The following RABGAP1L variants were observed in gnomAD, a reference collection of about 807,000 sequenced individuals.
RABGAP1L encodes the protein RAB GTPase activating protein 1 like.
Under a neutral mutation model 137.7 loss-of-function variants are expected in RABGAP1L, and 63 were observed. The ratio of observed to expected loss-of-function variants is 0.46; its 90% CI spans 0.37 to 0.56. The LOEUF is 0.56. RABGAP1L is among the 20% of genes least tolerant of loss of function. The probability of loss-of-function intolerance (pLI) is 0.00; values close to 1 mark genes in which losing one functional copy is unlikely to be tolerated. For synonymous variants in RABGAP1L, 431 were observed against 433.7 expected (o/e 0.99, Z 0.08); for missense variants, 1,095 against 1,244.0 (o/e 0.88, Z 1.80).
intron 13 of RABGAP1L, among the ~76,000 whole-genome samples, chr1:174,501,492 CTTTG>C (rs1412081324): frequency 1.3e-5 from 2 of 152,052 alleles, no homozygotes; most frequent in African/African-American, 4.8e-5. Flanking sequence ...CCTGGCCTCA[CTTTG>C]TTTACTTTTA....
chr1:174,623,831 G>A (rs1385017063), intron 13 of RABGAP1L, among the ~76,000 whole-genome samples: 1 of 152,120 alleles, frequency 6.6e-6, no homozygotes, highest in Non-Finnish European at 1.5e-5. Flanking sequence ...CCCTCATCAG[G>A]CATGATGTTC....
chr1:174,465,120 CT>C (rs1657138242), intron 13 of RABGAP1L, among the ~76,000 whole-genome samples: 1 of 152,154 alleles, frequency 6.6e-6, no homozygotes, highest in Non-Finnish European at 1.5e-5. Context: ...ATGAAAACTA[CT>C]GTTATATCTG....
chr1:174,955,227 C>T (rs1369864847), intron 19 of RABGAP1L, among the ~76,000 whole-genome samples: 2 of 152,200 alleles, frequency 1.3e-5, no homozygotes, highest in Admixed American at 1.3e-4. Context: ...AAAATGTCCT[C>T]ACTCCTTGTT....
chr1:174,365,067 C>G (rs1246679321), intron 11 of RABGAP1L, among the ~76,000 whole-genome samples: 1 of 152,188 alleles, frequency 6.6e-6, no homozygotes, highest in South Asian at 2.1e-4. Flanking sequence ...GAGACACTTT[C>G]ATGCTGGGAG....
At chr1:174,775,935 G>C (rs1312483777) in intron 18 of RABGAP1L, among the ~76,000 whole-genome samples, 1 of 152,202 alleles carries the variant, frequency 6.6e-6, no homozygotes, top group Non-Finnish European at 1.5e-5. Context: ...TGGGAAACAT[G>C]TCACAGTCAG....
intron 1 of RABGAP1L, among the ~76,000 whole-genome samples, chr1:174,168,411 A>T (rs1665086174): frequency 2.0e-5 from 3 of 151,852 alleles, no homozygotes; most frequent in African/African-American, 7.3e-5. Context: ...TAATTTTGTT[A>T]TTGAGCAGCT....
intron 1 of RABGAP1L, among the ~76,000 whole-genome samples, chr1:174,206,795 C>T (rs1668534225): frequency 1.3e-5 from 2 of 152,094 alleles, no homozygotes; most frequent in Non-Finnish European, 2.9e-5. Context: ...TATTGTTGTA[C>T]TATTTCTTGT....
chr1:174,888,978 A>G (rs1310625220), intron 19 of RABGAP1L, among the ~76,000 whole-genome samples: 1 of 152,160 alleles, frequency 6.6e-6, no homozygotes, highest in Admixed American at 6.5e-5. Context: ...TGCATAAGAT[A>G]TGGAATTTAT....
At chr1:174,445,970 G>A (rs1248553554) in intron 13 of RABGAP1L, among the ~76,000 whole-genome samples, 1 of 152,126 alleles carries the variant, frequency 6.6e-6, no homozygotes, top group Non-Finnish European at 1.5e-5. Context: ...GCCTGCATGT[G>A]CCTGGCAACT....
chr1:174,227,294 G>A (rs1670266367), intron 3 of RABGAP1L, among the ~76,000 whole-genome samples: 2 of 149,594 alleles, frequency 1.3e-5, no homozygotes, highest in South Asian at 4.2e-4. Flanking sequence ...TCCACCTCCT[G>A]AGTTCAAGCA....
intron 11 of RABGAP1L, among the ~76,000 whole-genome samples, chr1:174,347,061 A>G (rs1264579645): frequency 1.3e-5 from 2 of 152,096 alleles, no homozygotes; most frequent in Non-Finnish European, 2.9e-5. Context: ...AGTTTTATTT[A>G]GTTGTGGGCA....
chr1:174,226,007 G>A (rs1670148625), intron 3 of RABGAP1L, among the ~76,000 whole-genome samples: 1 of 151,996 alleles, frequency 6.6e-6, no homozygotes. Flanking sequence ...TGTGGTCGGG[G>A]CTAGTGGTAG....
intron 13 of RABGAP1L, among the ~76,000 whole-genome samples, chr1:174,422,945 C>CAAA (rs202100563): frequency 1.0e-4 from 8 of 79,610 alleles, no homozygotes; most frequent in Non-Finnish European, 1.9e-4. Flanking sequence ...AGATTCTGTC[C>CAAA]AAAAAAAAAA....
intron 13 of RABGAP1L, among the ~76,000 whole-genome samples, chr1:174,413,380 T>G (rs552744330): frequency 6.6e-6 from 1 of 152,318 alleles, no homozygotes; most frequent in African/African-American, 2.4e-5. Flanking sequence ...GTGTCGATTT[T>G]CAACCTTGTC....
intron 13 of RABGAP1L, among the ~76,000 whole-genome samples, chr1:174,600,893 G>T (rs887338091): frequency 2.0e-5 from 3 of 152,226 alleles, no homozygotes; most frequent in African/African-American, 7.2e-5. Flanking sequence ...GGCACTGCCT[G>T]TGTTGGGACT....
rs141108701 is a variant in RABGAP1L at position 174,258,410 on chromosome 1, G to C, written c.986+5820G>C. ...AGCGATCCTCCCATCTCAGCCTCCT[G>C]AGGAGCTGAGACTACAGGCACATGC... On this transcript the variant is annotated intron_variant, in intron 7 of 25. Transcript: ENST00000681986. Among the ~76,000 whole-genome samples, 716 of 152,164 alleles carry C rather than the reference G, an allele frequency of 4.7e-3. 4 individuals are homozygous for C. Among genetic ancestry groups the C allele is most frequent in the South Asian group, 0.015 (73 of 4,824 alleles).
chr1:174,544,217 C>T (rs1184182469), intron 13 of RABGAP1L, among the ~76,000 whole-genome samples: 1 of 152,154 alleles, frequency 6.6e-6, no homozygotes, highest in Non-Finnish European at 1.5e-5. Context: ...TTCTCCTTGT[C>T]ACTTTCAGGT....
chr1:174,222,523 G>A (rs1019465032), intron 3 of RABGAP1L, among the ~76,000 whole-genome samples: 41 of 152,124 alleles, frequency 2.7e-4, no homozygotes, highest in Non-Finnish European at 5.1e-4. Context: ...TAAAGAACAA[G>A]CACTGGATAA....
chr1:174,932,712 G>A (rs1224660033), intron 19 of RABGAP1L, among the ~76,000 whole-genome samples: 1 of 151,956 alleles, frequency 6.6e-6, no homozygotes, highest in African/African-American at 2.4e-5. Flanking sequence ...TTTATATATA[G>A]AATCATGATT....
Sources: allele counts gnomAD v4.1 joint callset (sites outside exome capture counted in the v4.1 genomes callset), GRCh38; gene constraint gnomAD v4.1.1; transcripts MANE v1.5; gene names NCBI Gene and HGNC (gene_info 2026-07-23, HGNC 2026-07-21).